DACH1: variants seen among roughly 807,000 people sequenced by gnomAD.
The protein encoded by DACH1 is dachshund homolog 1.
A neutral mutation model predicts 54.2 loss-of-function variants in DACH1; 12 were observed. The observed-to-expected ratio is 0.22, with a 90% CI of 0.14 to 0.36. DACH1 has a LOEUF of 0.36. Among genes scored for constraint, DACH1 ranks in the 10% least tolerant of loss-of-function variants. The pLI is 1.00. For missense variants in DACH1, 805 were observed against 929.8 expected, an observed-to-expected ratio of 0.87 and a Z score of 1.75; for synonymous variants, 386 against 366.2, an observed-to-expected ratio of 1.05 and a Z score of -0.62.
intron 3 of DACH1, among the ~76,000 whole-genome samples, chr13:71,627,700 C>T (rs1876760696): frequency 6.6e-6 from 1 of 152,060 alleles, no homozygotes; most frequent in Non-Finnish European, 1.5e-5. Flanking sequence ...CATCCATAGA[C>T]TGTATGCCCC....
In DACH1 at chr13:71,748,892, TTCTTTC is replaced by T. The variant is rs1338358626; in HGVS notation, c.849-66988_849-66983del. Among the ~76,000 whole-genome samples the T allele has an allele frequency of 5.1e-3, 526 of 104,040 alleles. 2 individuals are homozygous for T. Among genetic ancestry groups the T allele is most frequent in the East Asian group, 0.039 (96 of 2,468 alleles). The allele number at this position is 104,040 out of a possible 152,430, so 68.3% of individuals were successfully genotyped here. ...TTTCTTTCTTTCTTTCTTTCTTTCTTTCTTTCTCTTTCTTTCTTTCTTTCTTTCTTT... is the reference window on the plus strand; with the variant it reads ...TTTCTTTCTTTCTTTCTTTCTTTCTTTCTTTCTTTCTTTCTTTCTTTCTTT... On this transcript the variant is annotated intron_variant, in intron 1 of 10. Coordinates refer to ENST00000613252, the MANE Select transcript of DACH1 (RefSeq NM_080759.6).
At chr13:71,731,762 A>G (rs1000200804) in intron 1 of DACH1, among the ~76,000 whole-genome samples, 5 of 152,196 alleles carry the variant, frequency 3.3e-5, no homozygotes, top group African/African-American at 1.2e-4. Context: ...TGTGAAAGAA[A>G]CTTAGATCTG....
chr13:71,594,539 A>G (rs1873957490), intron 3 of DACH1, among the ~76,000 whole-genome samples: 1 of 152,146 alleles, frequency 6.6e-6, no homozygotes, highest in Non-Finnish European at 1.5e-5. Flanking sequence ...AAAAATCCCT[A>G]CATTTTAAGC....
chr13:71,726,975 A>G (rs1883501355), intron 1 of DACH1, among the ~76,000 whole-genome samples: 1 of 152,074 alleles, frequency 6.6e-6, no homozygotes, highest in Non-Finnish European at 1.5e-5. Flanking sequence ...AAGACCAATC[A>G]ATTGATCTGC....
chr13:71,675,212 G>A, intron 2 of DACH1: 3 of 1,573,146 alleles, frequency 1.9e-6, no homozygotes, highest in East Asian at 2.2e-5. Context: ...GTGGCGCTCC[G>A]TGAAGTTAGA....
At chr13:71,445,343 G>T (rs1874356543) in intron 10 of DACH1, among the ~76,000 whole-genome samples, 1 of 151,874 alleles carries the variant, frequency 6.6e-6, no homozygotes, top group Non-Finnish European at 1.5e-5. Flanking sequence ...CTTTACCATG[G>T]GTACTATATA....
chr13:71,865,267 C>T (rs780206310), intron 1 of DACH1, among the ~76,000 whole-genome samples: 43 of 152,288 alleles, frequency 2.8e-4, no homozygotes, highest in Non-Finnish European at 4.3e-4. Flanking sequence ...AGCTCAAGTC[C>T]CCGGAGCCCA....
intron 2 of DACH1, among the ~76,000 whole-genome samples, chr13:71,657,518 A>G (rs1879197531): frequency 7.3e-6 from 1 of 137,184 alleles, no homozygotes; most frequent in Non-Finnish European, 1.6e-5. Flanking sequence ...AAAAAAGTTT[A>G]TTTTTATTCT....
intron 2 of DACH1, among the ~76,000 whole-genome samples, chr13:71,679,403 A>G (rs919771192): frequency 6.6e-6 from 1 of 152,252 alleles, no homozygotes; most frequent in African/African-American, 2.4e-5. Flanking sequence ...TTATTTAATC[A>G]TTACTTTGGT....
Position 71,611,099 on chromosome 13 carries a change from G to A in DACH1, c.1126+19457C>T, listed in dbSNP as rs189934868. ...GTGTATAAGCAGTCCCTCGGCACTT[G>A]TGCTTACAGCAATTTGAATTTCTCT... On this transcript the variant is annotated intron_variant, in intron 3 of 10. Coordinates refer to ENST00000613252, the MANE Select transcript of DACH1 (RefSeq NM_080759.6). Among the ~76,000 whole-genome samples, 5 of 152,200 alleles carry A rather than the reference G, an allele frequency of 3.3e-5. No homozygotes were observed. In the East Asian group the frequency reaches 9.7e-4, roughly 29 times the overall value.
intron 6 of DACH1, among the ~76,000 whole-genome samples, chr13:71,550,859 A>G (rs1023809699): frequency 6.6e-6 from 1 of 152,168 alleles, no homozygotes; most frequent in South Asian, 2.1e-4. Flanking sequence ...ATAGGTAGGT[A>G]ATAGAATATT....
intron 3 of DACH1, among the ~76,000 whole-genome samples, chr13:71,592,065 T>C (rs1214670522): frequency 1.3e-5 from 2 of 152,184 alleles, no homozygotes; most frequent in African/African-American, 2.4e-5. Flanking sequence ...TGGCTGTCCA[T>C]ATTACCTTTG....
At chr13:71,716,331 C>T (rs887222166) in intron 1 of DACH1, among the ~76,000 whole-genome samples, 10 of 152,052 alleles carry the variant, frequency 6.6e-5, no homozygotes, top group Admixed American at 4.6e-4. Context: ...ACATTCAGTG[C>T]CTTCTGCGAA....
intron 4 of DACH1, among the ~76,000 whole-genome samples, chr13:71,563,677 T>G (rs554138331): frequency 5.3e-5 from 8 of 151,908 alleles, no homozygotes; most frequent in African/African-American, 1.7e-4. Context: ...TAAATTAGAT[T>G]GAAATCTTTA....
intron 6 of DACH1, among the ~76,000 whole-genome samples, chr13:71,505,531 CACACCACACAT>C (rs1880243760): frequency 6.6e-6 from 1 of 151,890 alleles, no homozygotes; most frequent in Admixed American, 6.6e-5. Context: ...TAAATGATTG[CACACCACACAT>C]ACACTTAGTT....
intron 6 of DACH1, among the ~76,000 whole-genome samples, chr13:71,549,244 A>G (rs1184047895): frequency 6.6e-6 from 1 of 152,170 alleles, no homozygotes; most frequent in African/African-American, 2.4e-5. Flanking sequence ...TGTGAAACTG[A>G]TAAGTGAGTC....
chr13:71,634,827 A>C (rs886634219), intron 2 of DACH1, among the ~76,000 whole-genome samples: 5 of 152,172 alleles, frequency 3.3e-5, no homozygotes, highest in Non-Finnish European at 5.9e-5. Flanking sequence ...TGAGATTCTG[A>C]ATCATCAGGT....
chr13:71,522,572 A>T (rs990176), intron 6 of DACH1, among the ~76,000 whole-genome samples: 8,246 of 152,142 alleles, frequency 0.054, 319 homozygotes, highest in Non-Finnish European at 0.085. Context: ...TCCAGTGCAT[A>T]CATGTTGATT....
intron 10 of DACH1, among the ~76,000 whole-genome samples, chr13:71,452,921 T>C (rs1875203130): frequency 6.6e-6 from 1 of 152,196 alleles, no homozygotes; most frequent in Non-Finnish European, 1.5e-5. Flanking sequence ...TAAAAGCTTA[T>C]CAAAAACAAA....
Sources: gnomAD v4.1 joint callset for allele counts (sites outside exome capture counted in the v4.1 genomes callset) on GRCh38, gnomAD v4.1.1 for gene constraint, MANE v1.5 for transcripts, NCBI Gene and HGNC (gene_info 2026-07-23, HGNC 2026-07-21) for gene names.